Variants in SCYL3 observed in about 807,000 individuals in gnomAD.
SCYL3 encodes SCY1 like pseudokinase 3, also known as protein-associating with the carboxyl-terminal domain of ezrin.
In SCYL3, 35 loss-of-function variants were observed where a neutral mutation model predicts 73.8. That is an observed-to-expected ratio of 0.47 (90% confidence interval 0.36 to 0.63). The LOEUF (loss-of-function observed/expected upper bound fraction) is 0.63. SCYL3 is among the 20% of genes least tolerant of loss of function. SCYL3 has a pLI of 0.00. For missense variants in SCYL3, 712 were observed against 798.9 expected, an observed-to-expected ratio of 0.89 and a Z score of 1.31; for synonymous variants, 277 against 295.2, an observed-to-expected ratio of 0.94 and a Z score of 0.63.
At position 169,853,257 on chromosome 1, in the gene SCYL3, T is replaced by C. The variant is rs2102113891; in HGVS notation, c.*456A>G. ...ACTGTAAACAAATAAATAAGCTGCC[T>C]AAGGAAACCTCAGCAATTTAAAATC... On this transcript the variant is annotated 3_prime_UTR_variant, in exon 13 of 13. Coordinates refer to ENST00000367771, the MANE Select transcript of SCYL3 (RefSeq NM_020423.7). 1 of 423,206 alleles carries C rather than the reference T, an allele frequency of 2.4e-6. No homozygotes were observed. Among genetic ancestry groups the C allele is most frequent in the African/African-American group, 2.0e-5 (1 of 49,674 alleles). 26.2% of individuals were successfully genotyped at this position (423,206 alleles called of 1,614,324 possible). A position where few individuals can be genotyped will look rare whatever the true frequency, so the allele number is the denominator to read the frequency against.
chr1:169,860,361 G>A (rs1659537381), intron 10 of SCYL3, among the ~76,000 whole-genome samples: 1 of 152,228 alleles, frequency 6.6e-6, no homozygotes, highest in Admixed American at 6.5e-5. Context: ...TGCATATAAG[G>A]AAGGAAATGA....
At chr1:169,862,874 A>G (rs538097209) in intron 9 of SCYL3, 77 bp from the exon 10 acceptor site, 14 of 1,365,136 alleles carry the variant, frequency 1.0e-5, no homozygotes, top group East Asian at 6.9e-5. Flanking sequence ...TAATTCATAC[A>G]CTGAACCCAA....
chr1:169,861,988 G>A (rs1028913664), intron 10 of SCYL3, among the ~76,000 whole-genome samples: 2 of 152,204 alleles, frequency 1.3e-5, no homozygotes, highest in Admixed American at 6.5e-5. Flanking sequence ...ACCAAGGATT[G>A]CTGGGAGCTA....
At chr1:169,891,889 ATAAT>A (rs1331147985) in intron 1 of SCYL3, among the ~76,000 whole-genome samples, 1 of 152,252 alleles carries the variant, frequency 6.6e-6, no homozygotes, top group African/African-American at 2.4e-5. Context: ...GAATTCCACT[ATAAT>A]TAACAAAGTT....
At position 169,854,145 on chromosome 1, in the gene SCYL3, T is replaced by TTAA. The variant is rs946779754; in HGVS notation, c.2007+122_2007+124dup. ...ATACCAATGATAGAAACTGATTTTG[T>TTAA]TAATTTTGTGCTTGACTTGACTAGG... On this transcript the variant is annotated intron_variant, in intron 12 of 12. Coordinates refer to ENST00000367771, the MANE Select transcript of SCYL3 (RefSeq NM_020423.7). 4.1e-6 allele frequency: 3 copies of TTAA among 724,962 alleles called. No individual in the cohort carries two copies. The African/African-American group carries it at 6.6e-5, about 16-fold the overall frequency. 44.9% of individuals were successfully genotyped at this position (724,962 alleles called of 1,614,324 possible).
At chr1:169,864,348 A>G (rs1370943711) in intron 9 of SCYL3, 21 bp downstream of exon 9, 1 of 1,614,114 alleles carries the variant, frequency 6.2e-7, no homozygotes, top group African/African-American at 1.3e-5. Context: ...ACTAGCAATA[A>G]CACTTTGAAA....
chr1:169,892,541 A>T (rs1433564500), intron 1 of SCYL3, among the ~76,000 whole-genome samples: 2 of 152,272 alleles, frequency 1.3e-5, no homozygotes, highest in Non-Finnish European at 2.9e-5. Context: ...AATCTTGCTC[A>T]TTAGCTTTGA....
At chr1:169,881,679 G>C (rs955877375) in intron 2 of SCYL3, among the ~76,000 whole-genome samples, 1 of 152,162 alleles carries the variant, frequency 6.6e-6, no homozygotes, top group South Asian at 2.1e-4. Flanking sequence ...ACATGAGTGA[G>C]ATCTTGTGGT....
At chr1:169,865,611 C>T (rs1006681779) in intron 8 of SCYL3, among the ~76,000 whole-genome samples, 5 of 152,178 alleles carry the variant, frequency 3.3e-5, no homozygotes, top group Non-Finnish European at 7.3e-5. Context: ...TTACAAAATC[C>T]TTCCTTGACC....
chr1:169,864,450 G>A lies in SCYL3; in HGVS notation c.874C>T (p.Pro292Ser). The change falls in exon 9 of 13, where the codon CCT becomes TCT. Residue 292 changes from proline (P) to serine (S), a missense_variant. By Grantham distance (74) the Pro-to-Ser change is moderately conservative. This residue lies in a region of SCYL3 where 342 missense variants were observed against 448.1 expected (regional missense o/e 0.76). Coordinates refer to ENST00000367771, the MANE Select transcript of SCYL3 (RefSeq NM_020423.7). ...AACACCAACTGATTAAGCAGAAGAG[G>A]CACCAACCTTGAAGCTATCAATTCC... ...SEELIASRLV[P>S]LLLNQLVFAE... The A allele has an allele frequency of 1.2e-6, 2 of 1,613,654 alleles. No homozygotes were observed. Among genetic ancestry groups the A allele is most frequent in the East Asian group, 2.2e-5 (1 of 44,876 alleles).
In SCYL3 at chr1:169,852,129, ATTCT is replaced by A; in HGVS notation, c.*1580_*1583del. The stretch of plus-strand genomic sequence containing the variant: ...AGTGGGACTACACCATATCAAATAT[ATTCT>A]TTCAGTATGTTTGAATTATTGGTAG... On this transcript the variant is annotated 3_prime_UTR_variant, in exon 13 of 13. Transcript: ENST00000367771. 1 of 682,042 alleles carries A rather than the reference ATTCT, an allele frequency of 1.5e-6. No homozygotes were observed. The highest frequency in any genetic ancestry group is 2.5e-6 in the Non-Finnish European group (1 of 405,362). 42.2% of individuals were successfully genotyped at this position (682,042 alleles called of 1,614,324 possible).
chr1:169,889,968 C>G (rs1343022827), intron 1 of SCYL3, among the ~76,000 whole-genome samples: 1 of 152,192 alleles, frequency 6.6e-6, no homozygotes, highest in Non-Finnish European at 1.5e-5. Context: ...TTGCCTGCAC[C>G]TTCCAAATCT....
chr1:169,869,112 C>G (rs1010836545), intron 6 of SCYL3, 73 bp from the exon 7 acceptor site: 3 of 1,274,826 alleles, frequency 2.4e-6, no homozygotes, highest in South Asian at 2.5e-5. Context: ...TGGAGACTGC[C>G]GAGAGCAAAA....
At chr1:169,868,244 G>A (rs1660171442) in intron 7 of SCYL3, among the ~76,000 whole-genome samples, 1 of 152,076 alleles carries the variant, frequency 6.6e-6, no homozygotes, top group Non-Finnish European at 1.5e-5. Context: ...TTTTTCTCAA[G>A]CTCTAAATGC....
intron 6 of SCYL3, among the ~76,000 whole-genome samples, chr1:169,869,689 A>G (rs760081510): frequency 1.1e-4 from 16 of 152,364 alleles, no homozygotes; most frequent in Non-Finnish European, 2.2e-4. Flanking sequence ...TAAAGTGGGC[A>G]CAGGAGAGTG....
chr1:169,877,310 A>G (rs1276010526), intron 3 of SCYL3, among the ~76,000 whole-genome samples: 3 of 151,880 alleles, frequency 2.0e-5, no homozygotes, highest in East Asian at 1.9e-4. Flanking sequence ...ATGTGCCACC[A>G]TGGCTGGCTC....
At chr1:169,854,030 C>T in intron 12 of SCYL3, 2 of 566,312 alleles carry the variant, frequency 3.5e-6, no homozygotes. Flanking sequence ...TTATTTTAAT[C>T]CCTTTTTTTT....
chr1:169,864,265 A>G (rs1659869438), intron 9 of SCYL3, 104 bp downstream of exon 9: 1 of 1,465,054 alleles, frequency 6.8e-7, no homozygotes, highest in South Asian at 1.2e-5. Flanking sequence ...CCGTTTTTAG[A>G]ACCAAACATT....
intron 2 of SCYL3, among the ~76,000 whole-genome samples, chr1:169,883,276 A>C (rs2102203696): frequency 6.6e-6 from 1 of 152,258 alleles, no homozygotes; most frequent in East Asian, 1.9e-4. Context: ...AGGAGACAGA[A>C]CTCAGATGGT....
Sources: allele counts gnomAD v4.1 joint callset (sites outside exome capture counted in the v4.1 genomes callset), GRCh38; gene constraint gnomAD v4.1.1; regional missense constraint gnomAD v4.1.1; transcripts MANE v1.5; gene names NCBI Gene and HGNC (gene_info 2026-07-23, HGNC 2026-07-21).